ADAMTS17: variants seen among roughly 807,000 people sequenced by gnomAD.
The protein encoded by ADAMTS17 is ADAM metallopeptidase with thrombospondin type 1 motif 17.
In ADAMTS17, 113 loss-of-function variants were observed where a neutral mutation model predicts 141.5. That is an observed-to-expected ratio of 0.80 (90% CI 0.69 to 0.93). The LOEUF (loss-of-function observed/expected upper bound fraction) is 0.93, where lower values mean the gene tolerates loss of function less well. Among genes scored for constraint, ADAMTS17 ranks in the 40% least tolerant of loss-of-function variants. The probability of loss-of-function intolerance (pLI) is 0.00; values close to 1 mark genes in which losing one functional copy is unlikely to be tolerated. For synonymous variants in ADAMTS17, 768 were observed against 630.6 expected (o/e 1.22, Z -3.27); for missense variants, 1,659 against 1,517.9 (o/e 1.09, Z -1.54).
At chr15:99,992,184 A>T (rs935701034) in intron 20 of ADAMTS17, among the ~76,000 whole-genome samples, 14 of 152,172 alleles carry the variant, frequency 9.2e-5, no homozygotes, top group Non-Finnish European at 2.9e-5. Flanking sequence ...GAACTTAAAA[A>T]AAAAATGCTA....
At chr15:100,202,836 C>A (rs999626624) in intron 7 of ADAMTS17, among the ~76,000 whole-genome samples, 2 of 152,212 alleles carry the variant, frequency 1.3e-5, no homozygotes, top group Admixed American at 1.3e-4. Context: ...CAAAGCTCTG[C>A]TAATTTCAGT....
chr15:100,339,610 TTCCCCGCCCCAGGTCC>T, intron 2 of ADAMTS17, among the ~76,000 whole-genome samples: 1 of 95,052 alleles, frequency 1.1e-5, no homozygotes, highest in Non-Finnish European at 2.2e-5. Context: ...CAGGTCCACA[TTCCCCGCCCCAGGTCC>T]ACATTCCCCG....
chr15:100,243,670 A>G (rs1370746416), intron 7 of ADAMTS17, among the ~76,000 whole-genome samples: 1 of 152,092 alleles, frequency 6.6e-6, no homozygotes, highest in Admixed American at 6.5e-5. Flanking sequence ...CATGCCTGTA[A>G]TCCCAGCTAC....
At chr15:100,030,383 A>T (rs1457105256) in intron 18 of ADAMTS17, among the ~76,000 whole-genome samples, 5 of 152,214 alleles carry the variant, frequency 3.3e-5, no homozygotes, top group Non-Finnish European at 7.3e-5. Context: ...ATTTAAACCC[A>T]AATACAGGTT....
chr15:100,013,385 TTG>T (rs1274672251), intron 18 of ADAMTS17, among the ~76,000 whole-genome samples: 17 of 152,322 alleles, frequency 1.1e-4, no homozygotes, highest in African/African-American at 3.8e-4. Context: ...TTTCTTTCTC[TTG>T]TCTGATTGCT....
In ADAMTS17 at chr15:99,972,971, A is replaced by T. The variant is rs1472978221; in HGVS notation, c.*1431T>A. 6.6e-6 allele frequency: 1 copy of T among 152,146 alleles called. No homozygotes were observed. The highest frequency in any genetic ancestry group is 2.4e-5 in the African/African-American group (1 of 41,430). 9.4% of individuals were successfully genotyped at this position (152,146 alleles called of 1,614,324 possible). A position where few individuals can be genotyped will look rare whatever the true frequency, so the allele number is the denominator to read the frequency against. On this transcript the variant is annotated 3_prime_UTR_variant, in exon 22 of 22. Coordinates refer to ENST00000268070, the MANE Select transcript of ADAMTS17 (RefSeq NM_139057.4). Reference sequence around the variant, plus strand: ...GACCTTCCGTCTGAAATCAGGGAGGAGGTGTTATTTACGGTAAAGTCCTAG... The same window carrying T: ...GACCTTCCGTCTGAAATCAGGGAGGTGGTGTTATTTACGGTAAAGTCCTAG...
intron 3 of ADAMTS17, among the ~76,000 whole-genome samples, chr15:100,293,503 AC>A (rs1485740163): frequency 6.6e-6 from 1 of 152,234 alleles, no homozygotes; most frequent in East Asian, 1.9e-4. Flanking sequence ...ATTAGAAGTA[AC>A]CGTGGGAATG....
intron 18 of ADAMTS17, among the ~76,000 whole-genome samples, chr15:100,013,042 G>T (rs1272759973): frequency 6.6e-6 from 1 of 152,142 alleles, no homozygotes; most frequent in Non-Finnish European, 1.5e-5. Context: ...CCATTTGTTT[G>T]TGTCATCTAT....
chr15:100,003,777 A>C (rs1246781588), intron 18 of ADAMTS17, among the ~76,000 whole-genome samples: 1 of 152,096 alleles, frequency 6.6e-6, no homozygotes, highest in African/African-American at 2.4e-5. Context: ...CAAAGGAGAA[A>C]TCCTGTGCAA....
At chr15:100,002,718 G>A (rs544886850) in intron 18 of ADAMTS17, among the ~76,000 whole-genome samples, 1 of 152,256 alleles carries the variant, frequency 6.6e-6, no homozygotes, top group East Asian at 1.9e-4. Context: ...GGCCCTGGGA[G>A]GGGCACTGTT....
chr15:100,332,772 A>G (rs1567548194), intron 2 of ADAMTS17, among the ~76,000 whole-genome samples: 1 of 152,220 alleles, frequency 6.6e-6, no homozygotes, highest in Non-Finnish European at 1.5e-5. Context: ...GCTGGTTTCT[A>G]TAAACTTAAG....
At chr15:100,120,784 T>A (rs72770234) in intron 12 of ADAMTS17, among the ~76,000 whole-genome samples, 5,468 of 152,302 alleles carry the variant, frequency 0.036, 137 homozygotes, top group Non-Finnish European at 0.058. Context: ...CATTCTAAGA[T>A]TTGAATGTCT....
Position 99,971,462 on chromosome 15 carries a change from C to G in ADAMTS17, c.*2940G>C, listed in dbSNP as rs893905948. 6.6e-6 allele frequency: 1 copy of G among 152,190 alleles called. No individual in the cohort carries two copies. The highest frequency in any genetic ancestry group is 1.5e-5 in the Non-Finnish European group (1 of 68,048). 9.4% of individuals were successfully genotyped at this position (152,190 alleles called of 1,614,324 possible). On this transcript the variant is annotated 3_prime_UTR_variant, in exon 22 of 22. Coordinates refer to ENST00000268070, the MANE Select transcript of ADAMTS17 (RefSeq NM_139057.4). ...TGTTATGGAAAAACATTTTATTACA[C>G]ATATTCAACTTGCTTCCAATGAAAT... is the stretch of plus-strand genomic sequence containing the variant.
intron 7 of ADAMTS17, among the ~76,000 whole-genome samples, chr15:100,217,033 G>A (rs1019778355): frequency 6.6e-6 from 1 of 152,144 alleles, no homozygotes; most frequent in Non-Finnish European, 1.5e-5. Flanking sequence ...TTTTGAAGAG[G>A]AAGAGTTGAT....
intron 12 of ADAMTS17, chr15:100,129,358 A>G (rs1219445082): frequency 6.6e-6 from 1 of 152,280 alleles, no homozygotes; most frequent in Non-Finnish European, 1.5e-5. Context: ...GGGGCTGCTT[A>G]TTAAATACAC....
At chr15:100,033,770 G>A (rs1392974147) in intron 18 of ADAMTS17, among the ~76,000 whole-genome samples, 1 of 152,204 alleles carries the variant, frequency 6.6e-6, no homozygotes. Context: ...ACTTTTCGGT[G>A]TCTCTTCAAT....
intron 15 of ADAMTS17, among the ~76,000 whole-genome samples, chr15:100,058,377 A>T (rs117479649): frequency 6.9e-5 from 1 of 14,554 alleles, no homozygotes; most frequent in South Asian, 2.1e-3. Flanking sequence ...CTCCTATCCC[A>T]GCTCTAACAC....
intron 8 of ADAMTS17, among the ~76,000 whole-genome samples, chr15:100,187,608 C>T (rs937479500): frequency 1.3e-5 from 2 of 152,218 alleles, no homozygotes; most frequent in Non-Finnish European, 2.9e-5. Context: ...CTCTGGTCTT[C>T]CAGGCCATGG....
chr15:100,281,488 CGA>C, intron 3 of ADAMTS17, 87 bp from the exon 4 acceptor site: 1 of 1,516,346 alleles, frequency 6.6e-7, no homozygotes, highest in South Asian at 1.2e-5. Context: ...CAAGCCTGCC[CGA>C]GAGAGTGGTC....
Sources: gnomAD v4.1 joint callset for allele counts (sites outside exome capture counted in the v4.1 genomes callset) on GRCh38, gnomAD v4.1.1 for gene constraint, MANE v1.5 for transcripts, NCBI Gene and HGNC (gene_info 2026-07-23, HGNC 2026-07-21) for gene names.